MAGEC3: variants seen among roughly 807,000 people sequenced by gnomAD.
MAGEC3 encodes MAGE family member C3.
Under a neutral mutation model 35.3 loss-of-function variants are expected in MAGEC3, and 34 were observed. The ratio of observed to expected loss-of-function variants is 0.96; its 90% CI spans 0.73 to 1.28. MAGEC3 has a LOEUF of 1.28. Among genes scored for constraint, MAGEC3 ranks in the 50% most tolerant of loss-of-function variants. MAGEC3 has a pLI of 0.00. For synonymous variants in MAGEC3, 202 were observed against 185.6 expected (o/e 1.09, Z -0.72); for missense variants, 561 against 483.6 (o/e 1.16, Z -1.50).
In MAGEC3 at chrX:141,838,375, G is replaced by C. The variant is rs1285489053; in HGVS notation, c.60G>C (p.Gln20His). 3 of 1,211,372 alleles carry C rather than the reference G, an allele frequency of 2.5e-6. No homozygotes were observed. Among genetic ancestry groups the C allele is most frequent in the Non-Finnish European group, 2.2e-6 (2 of 895,078 alleles). The change falls in exon 1 of 8, where the codon CAG (glutamine) becomes CAC (histidine). Residue 20 changes from glutamine (Q) to histidine (H), a missense_variant. Gln to His is a conservative substitution (Grantham distance 24). Coordinates refer to ENST00000298296, the MANE Select transcript of MAGEC3 (RefSeq NM_138702.1). ...CCTTCAGTGATGGCAGTCTAGGCCA[G>C]TGGGTGAAAAACACATGTGCCACAT... is the stretch of plus-strand genomic sequence containing the variant. ...DATFSDGSLGQWVKNTCATYA... is the reference protein window; with the variant it reads ...DATFSDGSLGHWVKNTCATYA...
At chrX:141,893,288 A>G (rs919241858) in intron 4 of MAGEC3, among the ~76,000 whole-genome samples, 29 of 111,881 alleles carry the variant, frequency 2.6e-4, no homozygotes, top group African/African-American at 8.8e-4. Context: ...TAAGTGAAAG[A>G]AGAAAATCTT....
At position 141,842,819 on chromosome X, in the gene MAGEC3, TACATTGTTAGCTATATA is replaced by T. The variant is rs943516721; in HGVS notation, c.123+4394_123+4410del. Among the ~76,000 whole-genome samples the T allele has an allele frequency of 9.8e-5, 11 of 111,837 alleles. 1 individual carries two copies. Among genetic ancestry groups the T allele is most frequent in the African/African-American group, 3.6e-4 (11 of 30,852 alleles). ...CATCCCTAAAACACTTCATCTCTCC[TACATTGTTAGCTATATA>T]ACATTGTTAGCTCCTACATTGTTAG... On this transcript the variant is annotated intron_variant, in intron 1 of 7. Coordinates refer to ENST00000298296, the MANE Select transcript of MAGEC3 (RefSeq NM_138702.1).
chrX:141,877,042 G>A (rs2124112054), intron 2 of MAGEC3, among the ~76,000 whole-genome samples: 1 of 112,115 alleles, frequency 8.9e-6, no homozygotes, highest in East Asian at 2.8e-4. Flanking sequence ...TTTAGAATCA[G>A]GTGATTCACA....
At chrX:141,895,612 C>A (rs1157662102) in intron 6 of MAGEC3, 53 bp downstream of exon 6, 1 of 1,097,413 alleles carries the variant, frequency 9.1e-7, no homozygotes, top group Non-Finnish European at 1.2e-6. Context: ...ACTGGGGGAA[C>A]CCCCACCTCA....
At position 141,865,468 on chromosome X, in the gene MAGEC3, T is replaced by C. The variant is rs200883685; in HGVS notation, c.124-3T>C. 1.8e-4 allele frequency: 214 copies of C among 1,204,703 alleles called. No homozygotes were observed. The highest frequency in any genetic ancestry group is 2.3e-4 in the Non-Finnish European group (206 of 892,579). ...TCCTGCCCCTGATATTTGACCTGAGTAGCCCCGGAAAAAGGCCACAGATAA... is the reference window on the plus strand; with the variant it reads ...TCCTGCCCCTGATATTTGACCTGAGCAGCCCCGGAAAAAGGCCACAGATAA... On this transcript the variant is annotated splice_region_variant and splice_polypyrimidine_tract_variant and intron_variant, in intron 1 of 7. Transcript: ENST00000298296.
intron 2 of MAGEC3, among the ~76,000 whole-genome samples, chrX:141,878,750 G>C (rs2017936408): frequency 8.9e-6 from 1 of 111,891 alleles, no homozygotes; most frequent in Non-Finnish European, 1.9e-5. Flanking sequence ...GAGGCCTTGG[G>C]CAGGGCCCTC....
chrX:141,848,938 C>T (rs745357560), intron 1 of MAGEC3, among the ~76,000 whole-genome samples: 1 of 111,220 alleles, frequency 9.0e-6, no homozygotes, highest in South Asian at 3.7e-4. Context: ...AATGGATACA[C>T]CTAATATGTA....
chrX:141,866,468 G>A (rs1284445164), intron 2 of MAGEC3, among the ~76,000 whole-genome samples: 5 of 112,116 alleles, frequency 4.5e-5, no homozygotes, highest in African/African-American at 1.6e-4. Flanking sequence ...AAGTGCTGAT[G>A]ACAATGTGAA....
At chrX:141,861,837 A>G (rs920495080) in intron 1 of MAGEC3, among the ~76,000 whole-genome samples, 2 of 112,167 alleles carry the variant, frequency 1.8e-5, no homozygotes, top group African/African-American at 6.5e-5. Context: ...AACTACTGGA[A>G]GAGAATAAGG....
At chrX:141,879,105 T>C (rs978288948) in intron 2 of MAGEC3, 70 bp from the exon 3 acceptor site, 2 of 1,108,111 alleles carry the variant, frequency 1.8e-6, no homozygotes, top group African/African-American at 1.8e-5. Context: ...AGGCACAGCC[T>C]CTCGGGAAGG....
In MAGEC3 at chrX:141,872,157, G is replaced by A. The variant is rs937351061; in HGVS notation, c.258+6552G>A. ...AACCTCTTGCCATTTGCCATTCCTC[G>A]TTATGAAGTTGGTAAGGTCCCTGAT... On this transcript the variant is annotated intron_variant, in intron 2 of 7. Coordinates refer to ENST00000298296, the MANE Select transcript of MAGEC3 (RefSeq NM_138702.1). Among the ~76,000 whole-genome samples the A allele has an allele frequency of 8.1e-5, 9 of 111,301 alleles. No individual in the cohort carries two copies. In the East Asian group the frequency reaches 1.1e-3, roughly 14 times the overall value.
chrX:141,891,576 C>T (rs1483596560), intron 4 of MAGEC3, among the ~76,000 whole-genome samples: 2 of 108,342 alleles, frequency 1.8e-5, no homozygotes, highest in Non-Finnish European at 1.9e-5. Flanking sequence ...CAAAATTCAG[C>T]CCCCTACTCA....
intron 2 of MAGEC3, among the ~76,000 whole-genome samples, chrX:141,871,612 G>A (rs1407010223): frequency 5.4e-5 from 6 of 111,458 alleles, no homozygotes; most frequent in African/African-American, 2.0e-4. Context: ...AACAGGCGGA[G>A]GTTAGAATTA....
chrX:141,858,206 G>A (rs911153796), intron 1 of MAGEC3, among the ~76,000 whole-genome samples: 7 of 111,253 alleles, frequency 6.3e-5, no homozygotes, highest in Non-Finnish European at 1.1e-4. Flanking sequence ...GAAAATGTCA[G>A]GATGCATGCA....
Position 141,845,445 on chromosome X carries a change from C to T in MAGEC3, c.123+7007C>T, listed in dbSNP as rs570151938. Among the ~76,000 whole-genome samples, 10 of 110,434 alleles carry T rather than the reference C, an allele frequency of 9.1e-5. 1 individual carries two copies. In the South Asian group the frequency reaches 3.4e-3, roughly 37 times the overall value. Reference sequence around the variant, plus strand: ...GCCAATATTAAGCTTTAAGTTTTGCCGAATAAAAGTCGTAAATATCATCAT... The same window carrying T: ...GCCAATATTAAGCTTTAAGTTTTGCTGAATAAAAGTCGTAAATATCATCAT... On this transcript the variant is annotated intron_variant, in intron 1 of 7. Transcript: ENST00000298296.
chrX:141,882,420 T>TA lies in MAGEC3; in HGVS notation c.909+633dup, dbSNP rs35685983. ...TTAAGAGTAACAGTTTGATATTTTG[T>TA]AAAAAAAAATGGAAAAAGCTTGTCT... On this transcript the variant is annotated intron_variant, in intron 4 of 7. Transcript: ENST00000298296. 5.3e-3 allele frequency among the ~76,000 whole-genome samples: 588 copies of TA among 110,607 alleles called. 2 individuals are homozygous for TA. The highest frequency in any genetic ancestry group is 0.016 in the African/African-American group (474 of 30,465).
rs1036713144 is a variant in MAGEC3 at position 141,838,610 on chromosome X, A to C, written c.123+172A>C. On this transcript the variant is annotated intron_variant, in intron 1 of 7. Transcript: ENST00000298296. ...ATGTTCATGTCTTTCCCTTGGTTGC[A>C]GTAGCCTGTGGTCGCTCATGTCTGA... 67 of 728,949 alleles carry C rather than the reference A, an allele frequency of 9.2e-5. No homozygotes were observed. The African/African-American group carries it at 1.5e-3, about 16-fold the overall frequency. The allele number at this position is 728,949 out of a possible 1,213,427, so 60.1% of individuals were successfully genotyped here.
intron 1 of MAGEC3, among the ~76,000 whole-genome samples, chrX:141,862,765 C>A (rs2017823255): frequency 9.0e-6 from 1 of 111,711 alleles, no homozygotes; most frequent in Non-Finnish European, 1.9e-5. Context: ...TGACGGACAC[C>A]AGAGACTGGG....
chrX:141,838,381 G>A lies in MAGEC3; in HGVS notation c.66G>A (p.Val22=). The part of the protein sequence containing the change: ...TFSDGSLGQW[V]KNTCATYALS... ...GTGATGGCAGTCTAGGCCAGTGGGT[G>A]AAAAACACATGTGCCACATATGCCT... The change falls in exon 1 of 8, where the codon GTG becomes GTA. Residue 22 remains valine (V), a synonymous_variant. Coordinates refer to ENST00000298296, the MANE Select transcript of MAGEC3 (RefSeq NM_138702.1). The A allele has an allele frequency of 8.3e-7, 1 of 1,211,361 alleles. No individual in the cohort carries two copies. Among genetic ancestry groups the A allele is most frequent in the Non-Finnish European group, 1.1e-6 (1 of 895,100 alleles).
Sources: allele counts gnomAD v4.1 joint callset (sites outside exome capture counted in the v4.1 genomes callset), GRCh38; gene constraint gnomAD v4.1.1; transcripts MANE v1.5; gene names NCBI Gene and HGNC (gene_info 2026-07-23, HGNC 2026-07-21).